Variants in KDM4C observed in about 807,000 individuals in gnomAD.
KDM4C encodes lysine-specific demethylase 4C.
A neutral mutation model predicts 129.3 loss-of-function variants in KDM4C; 81 were observed. The observed-to-expected ratio is 0.63, with a 90% CI of 0.52 to 0.75. The LOEUF (loss-of-function observed/expected upper bound fraction) is 0.75, where lower values mean the gene tolerates loss of function less well. Among genes scored for constraint, KDM4C ranks in the 30% least tolerant of loss-of-function variants. KDM4C has a pLI of 0.00. For synonymous variants in KDM4C, 573 were observed against 456.1 expected, an observed-to-expected ratio of 1.26 and a Z score of -3.26; for missense variants, 1,457 against 1,304.0, an observed-to-expected ratio of 1.12 and a Z score of -1.81.
intron 5 of KDM4C, among the ~76,000 whole-genome samples, chr9:6,852,491 T>G (rs1308518156): frequency 2.0e-5 from 3 of 152,176 alleles, no homozygotes; most frequent in Admixed American, 2.0e-4. Flanking sequence ...ATATTTTTAT[T>G]GAGTTGACAA....
At chr9:7,154,419 A>T (rs1393776389) in intron 19 of KDM4C, among the ~76,000 whole-genome samples, 2 of 152,206 alleles carry the variant, frequency 1.3e-5, no homozygotes, top group Admixed American at 6.5e-5. Context: ...CTGCTCACAG[A>T]TGGGGCTACC....
intron 1 of KDM4C, among the ~76,000 whole-genome samples, chr9:6,728,534 AAAAC>A (rs1341241684): frequency 2.0e-5 from 3 of 151,526 alleles, no homozygotes; most frequent in Non-Finnish European, 2.9e-5. Context: ...CTACTCTGAA[AAAAC>A]AAACAAACAA....
At chr9:6,804,423 C>T (rs1347325489) in intron 2 of KDM4C, among the ~76,000 whole-genome samples, 5 of 152,186 alleles carry the variant, frequency 3.3e-5, no homozygotes. Context: ...GATCTACTAG[C>T]ATACCGCTGT....
intron 8 of KDM4C, chr9:6,978,974 A>T (rs1194176223): frequency 6.6e-6 from 1 of 152,134 alleles, no homozygotes; most frequent in African/African-American, 2.4e-5. Flanking sequence ...CTTTCCTCAG[A>T]AATAGTGTTC....
chr9:6,882,037 T>C (rs1844531688), intron 6 of KDM4C, among the ~76,000 whole-genome samples: 1 of 152,250 alleles, frequency 6.6e-6, no homozygotes, highest in African/African-American at 2.4e-5. Context: ...TTGGTTTCTA[T>C]TGAAATCTTG....
chr9:6,805,686 A>G lies in KDM4C; in HGVS notation c.232A>G (p.Thr78Ala), dbSNP rs1051364565. Residue 78 changes from threonine (T) to alanine (A), a missense_variant, in exon 3 of 22, where the codon ACA becomes GCA. Thr to Ala is a moderately conservative substitution (Grantham distance 58). Coordinates refer to ENST00000381309, the MANE Select transcript of KDM4C (RefSeq NM_015061.6). ...LIPAPIQQMV[T>A]GQSGLFTQYN... ...TCCAGCACCAATTCAGCAGATGGTC[A>G]CAGGGCAGTCAGGACTGTTCACTCA... 3 of 1,614,162 alleles carry G rather than the reference A, an allele frequency of 1.9e-6. No individual in the cohort carries two copies. The highest frequency in any genetic ancestry group is 2.2e-5 in the South Asian group (2 of 91,088).
At chr9:7,050,404 C>G (rs1199230262) in intron 17 of KDM4C, among the ~76,000 whole-genome samples, 1 of 121,464 alleles carries the variant, frequency 8.2e-6, no homozygotes, top group African/African-American at 3.1e-5. Context: ...AGCTCCTGGA[C>G]TTCCATAGGA....
intron 8 of KDM4C, among the ~76,000 whole-genome samples, chr9:6,961,234 T>C (rs1188944891): frequency 6.6e-6 from 1 of 152,172 alleles, no homozygotes; most frequent in Non-Finnish European, 1.5e-5. Context: ...AGTCATGAAA[T>C]AGAAAAGGAT....
chr9:6,898,130 A>G (rs191063594), intron 8 of KDM4C, among the ~76,000 whole-genome samples: 154 of 152,306 alleles, frequency 1.0e-3, no homozygotes, highest in African/African-American at 3.4e-3. Flanking sequence ...TTGCCACTGC[A>G]TTCATTAGCT....
chr9:6,747,225 C>CCAAA (rs35447268), intron 1 of KDM4C, among the ~76,000 whole-genome samples: 43,713 of 150,812 alleles, frequency 0.29, 6,924 homozygotes, highest in African/African-American at 0.41. Flanking sequence ...AACCAACCAA[C>CCAAA]CAAAGAACCT....
intron 8 of KDM4C, among the ~76,000 whole-genome samples, chr9:6,929,471 C>CTTTTTTTTTT (rs59537472): frequency 1.6e-5 from 2 of 127,548 alleles, no homozygotes. Context: ...TTGACTTTTT[C>CTTTTTTTTTT]TTTTTTTTTT....
rs113265335 is a variant in KDM4C at position 6,812,232 on chromosome 9, CAAA to C, written c.321-2385_321-2383del. On this transcript the variant is annotated intron_variant, in intron 3 of 21. Transcript: ENST00000381309. ...AGCCTGGGTGACAGAACAAGACTCT[CAAA>C]AAAAAAAAAAAAAGTTGTTACTGAT... Among the ~76,000 whole-genome samples, 13 of 96,288 alleles carry C rather than the reference CAAA, an allele frequency of 1.4e-4. No individual in the cohort carries two copies. In the South Asian group the frequency reaches 2.8e-3, roughly 21 times the overall value. 63.2% of individuals were successfully genotyped at this position (96,288 alleles called of 152,430 possible).
At chr9:6,752,899 T>G (rs1818121152), upstream of KDM4C, among the ~76,000 whole-genome samples, 1 of 152,194 alleles carries the variant, frequency 6.6e-6, no homozygotes, top group Admixed American at 6.6e-5. Flanking sequence ...GAGGAGCATT[T>G]TATCCCTCAG....
chr9:6,982,840 T>G (rs1817002552), intron 9 of KDM4C: 1 of 152,202 alleles, frequency 6.6e-6, no homozygotes, highest in African/African-American at 2.4e-5. Context: ...AAAATGCTTG[T>G]CAGTAGGTTC....
intron 2 of KDM4C, among the ~76,000 whole-genome samples, chr9:6,801,621 CTCTCTCTCTCTCTCTCTCTG>C (rs932054773): frequency 2.0e-5 from 3 of 147,878 alleles, no homozygotes; most frequent in South Asian, 2.1e-4. Flanking sequence ...CAGATATGCT[CTCTCTCTCTCTCTCTCTCTG>C]TCTCTCTCTC....
intron 19 of KDM4C, among the ~76,000 whole-genome samples, chr9:7,155,149 A>G (rs903182688): frequency 6.6e-6 from 1 of 152,144 alleles, no homozygotes; most frequent in Admixed American, 6.5e-5. Context: ...TGGAATTCTC[A>G]TTTTTAATGT....
At chr9:7,102,547 A>G (rs1430893513) in intron 17 of KDM4C, among the ~76,000 whole-genome samples, 1 of 152,086 alleles carries the variant, frequency 6.6e-6, no homozygotes. Flanking sequence ...GTTGGTATAG[A>G]TGGTAGGCAG....
intron 8 of KDM4C, among the ~76,000 whole-genome samples, chr9:6,973,096 G>GT: frequency 6.6e-6 from 1 of 152,330 alleles, no homozygotes; most frequent in Non-Finnish European, 1.5e-5. Context: ...TAGTACTACT[G>GT]TTTTTATGGA....
chr9:7,036,899 C>T (rs1414191038), intron 15 of KDM4C, among the ~76,000 whole-genome samples: 1 of 152,188 alleles, frequency 6.6e-6, no homozygotes, highest in African/African-American at 2.4e-5. Context: ...AGTGAGAGAA[C>T]TTACTTGCCA....
Sources: gnomAD v4.1 joint callset for allele counts (sites outside exome capture counted in the v4.1 genomes callset) on GRCh38, gnomAD v4.1.1 for gene constraint, MANE v1.5 for transcripts, NCBI Gene and HGNC (gene_info 2026-07-23, HGNC 2026-07-21) for gene names.